Variants in NAPA observed in about 807,000 individuals in gnomAD.
NAPA encodes the protein NSF attachment protein alpha, also known as alpha-soluble NSF attachment protein.
A neutral mutation model predicts 48.0 loss-of-function variants in NAPA; 18 were observed. The observed-to-expected ratio is 0.38, with a 90% CI of 0.26 to 0.56. The LOEUF is 0.56. Ranked by LOEUF, NAPA falls within the 20% of genes least tolerant of loss-of-function variation. The probability of loss-of-function intolerance (pLI) is 0.77; values close to 1 mark genes in which losing one functional copy is unlikely to be tolerated. For synonymous variants in NAPA, 152 were observed against 149.9 expected, an observed-to-expected ratio of 1.01 and a Z score of -0.10; for missense variants, 315 against 385.0, an observed-to-expected ratio of 0.82 and a Z score of 1.52.
downstream of NAPA, among the ~76,000 whole-genome samples, chr19:47,485,667 C>T (rs1474580950): frequency 6.6e-6 from 1 of 152,166 alleles, no homozygotes; most frequent in African/African-American, 2.4e-5. Context: ...AAACTATGTG[C>T]TGAGCATGTA....
chr19:47,490,110 TGTG>T (rs1263295670), intron 9 of NAPA, among the ~76,000 whole-genome samples: 3 of 139,524 alleles, frequency 2.2e-5, no homozygotes, highest in Non-Finnish European at 4.7e-5. Context: ...TAGGGGCACG[TGTG>T]GTGTTTGGTG....
At chr19:47,486,508 C>G (rs545812698), downstream of NAPA, among the ~76,000 whole-genome samples, 35 of 152,266 alleles carry the variant, frequency 2.3e-4, no homozygotes, top group African/African-American at 8.4e-4. Flanking sequence ...GCCATGTTGG[C>G]TAGGCTGCTC....
At chr19:47,513,842 CTTTCT>C (rs1343231168) in intron 1 of NAPA, among the ~76,000 whole-genome samples, 8 of 139,214 alleles carry the variant, frequency 5.7e-5, no homozygotes, top group African/African-American at 2.3e-4. Flanking sequence ...TTCTTTCTTT[CTTTCT>C]TTTTTTTTTT....
At chr19:47,505,038 T>C (rs1274069872) in intron 1 of NAPA, among the ~76,000 whole-genome samples, 2 of 152,292 alleles carry the variant, frequency 1.3e-5, no homozygotes, top group East Asian at 3.9e-4. Context: ...GGGACCTCAT[T>C]AGTACCTCAA....
intron 1 of NAPA, among the ~76,000 whole-genome samples, chr19:47,512,020 C>T (rs1381223796): frequency 6.6e-6 from 1 of 152,162 alleles, no homozygotes; most frequent in Non-Finnish European, 1.5e-5. Context: ...CTTGTCTGGC[C>T]TCACCTGCCG....
At chr19:47,510,668 C>T in intron 1 of NAPA, among the ~76,000 whole-genome samples, 1 of 152,196 alleles carries the variant, frequency 6.6e-6, no homozygotes, top group African/African-American at 2.4e-5. Context: ...GAGGAAAAGC[C>T]CCAGGGAACA....
intron 1 of NAPA, 50 bp downstream of exon 1, chr19:47,514,793 C>A (rs771520047): frequency 1.3e-6 from 2 of 1,570,174 alleles, no homozygotes; most frequent in Admixed American, 3.4e-5. Flanking sequence ...AGCGTGACTC[C>A]TTCGTCCTCT....
chr19:47,485,093 C>T (rs1229826360), downstream of NAPA, among the ~76,000 whole-genome samples: 1 of 152,178 alleles, frequency 6.6e-6, no homozygotes, highest in Non-Finnish European at 1.5e-5. Flanking sequence ...TAACCACCTC[C>T]TTTATCGAAC....
chr19:47,496,432 C>T (rs761511150), intron 3 of NAPA: 2 of 152,638 alleles, frequency 1.3e-5, no homozygotes, highest in Non-Finnish European at 2.9e-5. Context: ...GAGTGGGAGG[C>T]ATTTTCTAGC....
intron 1 of NAPA, among the ~76,000 whole-genome samples, chr19:47,504,647 A>G (rs1043040399): frequency 3.9e-5 from 6 of 151,936 alleles, no homozygotes; most frequent in Non-Finnish European, 7.4e-5. Flanking sequence ...ATATATACAT[A>G]TATACACACA....
chr19:47,494,929 G>T (rs1355062316), intron 4 of NAPA: 1 of 153,266 alleles, frequency 6.5e-6, no homozygotes, highest in Non-Finnish European at 1.5e-5. Context: ...CCTGCTGCAA[G>T]ATGCTTATCA....
At chr19:47,505,994 CTTTTTTTTT>C (rs760461648) in intron 1 of NAPA, among the ~76,000 whole-genome samples, 5 of 126,944 alleles carry the variant, frequency 3.9e-5, no homozygotes, top group African/African-American at 1.2e-4. Flanking sequence ...GGAGTGACTT[CTTTTTTTTT>C]TTTTTTTTTT....
At chr19:47,499,283 C>T (rs1471479245) in intron 3 of NAPA, among the ~76,000 whole-genome samples, 1 of 152,212 alleles carries the variant, frequency 6.6e-6, no homozygotes, top group Non-Finnish European at 1.5e-5. Context: ...CTCAGTGTTG[C>T]CCCAGAGTGT....
intron 2 of NAPA, 116 bp downstream of exon 2, chr19:47,503,304 CCGG>C: frequency 2.2e-6 from 2 of 897,664 alleles, no homozygotes; most frequent in South Asian, 1.4e-5. Flanking sequence ...CTTTCCGATG[CCGG>C]AGAGGGCATA....
At chr19:47,510,867 C>T (rs1385305613) in intron 1 of NAPA, among the ~76,000 whole-genome samples, 3 of 152,202 alleles carry the variant, frequency 2.0e-5, no homozygotes, top group South Asian at 2.1e-4. Flanking sequence ...TTGAGCTGCG[C>T]CCCCATCACC....
chr19:47,492,871 G>A (rs1007543899), intron 7 of NAPA, 90 bp downstream of exon 7: 6 of 1,234,754 alleles, frequency 4.9e-6, no homozygotes, highest in Non-Finnish European at 6.0e-6. Flanking sequence ...CGGGGGAGGG[G>A]TGGTTCCAGA....
intron 7 of NAPA, 129 bp from the exon 8 acceptor site, chr19:47,492,248 A>G (rs1968290197): frequency 1.3e-6 from 1 of 767,154 alleles, no homozygotes; most frequent in Non-Finnish European, 2.1e-6. Context: ...TTAACCCAGG[A>G]CCCCAAGGGC....
At chr19:47,487,480 C>G (rs114430162), downstream of NAPA, among the ~76,000 whole-genome samples, 519 of 152,236 alleles carry the variant, frequency 3.4e-3, 3 homozygotes, top group African/African-American at 0.012. Flanking sequence ...CCTGGGTCTC[C>G]CCCACCTAGA....
chr19:47,514,913 C>A lies in NAPA; in HGVS notation c.28G>T (p.Ala10Ser), dbSNP rs1968877166. 1 of 1,614,020 alleles carries A rather than the reference C, an allele frequency of 6.2e-7. No individual in the cohort carries two copies. The highest frequency in any genetic ancestry group is 8.5e-7 in the Non-Finnish European group (1 of 1,180,002). ...TCCGCCTCGGCCAACAGCGCCATCG[C>A]CTCCGCTTCCTTCCCGGAATTGTCC... MDNSGKEAE[A>S]MALLAEAERK... is the part of the protein sequence containing the mutation. Residue 10 changes from alanine (A) to serine (S), a missense_variant, in exon 1 of 11, where the codon GCG (alanine) becomes TCG (serine). By Grantham distance (99) the Ala-to-Ser change is moderately conservative. This residue lies in a region of NAPA where 173 missense variants were observed against 213.5 expected (regional missense o/e 0.81). Coordinates refer to ENST00000263354, the MANE Select transcript of NAPA (RefSeq NM_003827.4).
Sources: allele counts gnomAD v4.1 joint callset (sites outside exome capture counted in the v4.1 genomes callset), GRCh38; gene constraint gnomAD v4.1.1; regional missense constraint gnomAD v4.1.1; transcripts MANE v1.5; gene names NCBI Gene and HGNC (gene_info 2026-07-23, HGNC 2026-07-21).